Variants in ZNF385D observed in about 807,000 individuals in gnomAD.
ZNF385D encodes zinc finger protein 385D.
In ZNF385D, 15 loss-of-function variants were observed where a neutral mutation model predicts 35.8. The ratio of observed to expected loss-of-function variants is 0.42; its 90% CI spans 0.28 to 0.64. The LOEUF (loss-of-function observed/expected upper bound fraction) is 0.64. ZNF385D is among the 30% of genes least tolerant of loss of function. The pLI, the probability that ZNF385D is intolerant of heterozygous loss-of-function variation, is 0.23. For synonymous variants in ZNF385D, 212 were observed against 186.8 expected (o/e 1.13, Z -1.10); for missense variants, 474 against 494.6 (o/e 0.96, Z 0.39).
intron 2 of ZNF385D, among the ~76,000 whole-genome samples, chr3:22,264,857 C>T (rs1325083136): frequency 1.5e-5 from 2 of 132,656 alleles, no homozygotes; most frequent in African/African-American, 5.2e-5. Flanking sequence ...AAATTCCATT[C>T]TCCCTCTTAG....
At chr3:22,278,735 T>G (rs932200966) in intron 2 of ZNF385D, among the ~76,000 whole-genome samples, 3 of 152,112 alleles carry the variant, frequency 2.0e-5, no homozygotes, top group Non-Finnish European at 2.9e-5. Context: ...CAGAGAAAAT[T>G]GGCAAAATGT....
At chr3:21,456,182 T>G (rs1473362343) in intron 4 of ZNF385D, among the ~76,000 whole-genome samples, 1 of 152,168 alleles carries the variant, frequency 6.6e-6, no homozygotes. Flanking sequence ...GTGTGGTGAT[T>G]CCTCAAGGAT....
At chr3:21,944,728 G>C (rs996432822) in intron 3 of ZNF385D, among the ~76,000 whole-genome samples, 8 of 148,336 alleles carry the variant, frequency 5.4e-5, no homozygotes, top group African/African-American at 2.0e-4. Flanking sequence ...TTAGTGTTAT[G>C]GGATGAGAGA....
chr3:21,656,183 C>T (rs2066066613), intron 2 of ZNF385D, among the ~76,000 whole-genome samples: 1 of 151,956 alleles, frequency 6.6e-6, no homozygotes, highest in Admixed American at 6.6e-5. Flanking sequence ...AGCTGGATTA[C>T]CAGTTGTCAG....
At chr3:21,705,003 T>G (rs377591200) in intron 1 of ZNF385D, among the ~76,000 whole-genome samples, 112 of 152,318 alleles carry the variant, frequency 7.4e-4, no homozygotes, top group African/African-American at 2.5e-3. Context: ...AAGTCATCTG[T>G]AAGGGGCAGT....
intron 1 of ZNF385D, among the ~76,000 whole-genome samples, chr3:21,748,730 T>C (rs1165553836): frequency 6.6e-6 from 1 of 152,180 alleles, no homozygotes; most frequent in Non-Finnish European, 1.5e-5. Flanking sequence ...TTGGAAAAAT[T>C]ACCTGAAATC....
intron 3 of ZNF385D, among the ~76,000 whole-genome samples, chr3:21,538,795 ATGT>A (rs1223955484): frequency 1.3e-5 from 2 of 152,166 alleles, no homozygotes; most frequent in Non-Finnish European, 2.9e-5. Context: ...TAAGTTATTT[ATGT>A]AAACTAAAGA....
At chr3:21,761,070 C>A (rs555246689) in intron 3 of ZNF385D, among the ~76,000 whole-genome samples, 6 of 152,112 alleles carry the variant, frequency 3.9e-5, no homozygotes, top group Admixed American at 2.6e-4. Context: ...TGAGGACACT[C>A]AAGAAGCCCT....
At chr3:21,768,114 C>A (rs1366056376) in intron 3 of ZNF385D, among the ~76,000 whole-genome samples, 6 of 152,058 alleles carry the variant, frequency 3.9e-5, no homozygotes, top group Admixed American at 3.9e-4. Context: ...GATAGAGACA[C>A]AAATGAATGC....
chr3:21,914,448 T>C (rs142300149), intron 3 of ZNF385D, among the ~76,000 whole-genome samples: 291 of 151,192 alleles, frequency 1.9e-3, no homozygotes, highest in Admixed American at 4.0e-3. Context: ...ATATGTGAGA[T>C]TAAACCTTTC....
chr3:21,871,755 C>G (rs765611038), intron 3 of ZNF385D, among the ~76,000 whole-genome samples: 1 of 152,056 alleles, frequency 6.6e-6, no homozygotes, highest in Non-Finnish European at 1.5e-5. Context: ...CCTTTAATCC[C>G]AGCACTTTCG....
rs888650146 is a variant in ZNF385D, at chr3:22,332,309, G to A, written c.106+40141C>T. Among the ~76,000 whole-genome samples the A allele has an allele frequency of 7.2e-5, 11 of 152,120 alleles. No individual in the cohort carries two copies. The South Asian group carries it at 1.2e-3, about 17-fold the overall frequency. On this transcript the variant is annotated intron_variant, in intron 2 of 5. Coordinates refer to the ZNF385D transcript ENST00000494108. ...TGTAAATCTAGTGAGTCAGTTTTCA[G>A]TAACTAACAGGTTTTCACCCAGATG...
Position 22,174,968 on chromosome 3 carries a change from A to G in ZNF385D, c.107-5933T>C, listed in dbSNP as rs140322825. Among the ~76,000 whole-genome samples, 575 of 152,232 alleles carry G rather than the reference A, an allele frequency of 3.8e-3. 6 individuals are homozygous for G. Among genetic ancestry groups the G allele is most frequent in the African/African-American group, 0.013 (544 of 41,582 alleles). ...ACAAAAGTTTTGCTCAAAAAAACTT[A>G]TTCTGAAAAGAAGAATCCACCAATA... is the stretch of plus-strand genomic sequence containing the variant. On this transcript the variant is annotated intron_variant, in intron 2 of 5. Transcript: ENST00000494108.
intron 3 of ZNF385D, among the ~76,000 whole-genome samples, chr3:21,766,472 T>C (rs895228698): frequency 6.6e-6 from 1 of 152,124 alleles, no homozygotes; most frequent in Non-Finnish European, 1.5e-5. Flanking sequence ...AGGATGAGTT[T>C]GTGTTTGAGG....
rs954772893 is a variant in ZNF385D at position 22,231,763 on chromosome 3, T to C, written c.107-62728A>G. Among the ~76,000 whole-genome samples the C allele has an allele frequency of 1.2e-4, 18 of 152,148 alleles. 1 individual carries two copies. Among genetic ancestry groups the C allele is most frequent in the Admixed American group, 1.1e-3 (17 of 15,256 alleles). On this transcript the variant is annotated intron_variant, in intron 2 of 5. Coordinates refer to the ZNF385D transcript ENST00000494108. ...TCTGTGTCCCCACACAGATCTCATG[T>C]TCAGTTGTAATTCCCAATGTTGAAG...
chr3:21,963,612 G>A (rs1702718210), intron 3 of ZNF385D, among the ~76,000 whole-genome samples: 1 of 152,102 alleles, frequency 6.6e-6, no homozygotes, highest in Non-Finnish European at 1.5e-5. Flanking sequence ...TCCTGCCGCT[G>A]GTGGTTGACA....
At chr3:21,815,097 G>A (rs943296277) in intron 3 of ZNF385D, among the ~76,000 whole-genome samples, 3 of 152,252 alleles carry the variant, frequency 2.0e-5, no homozygotes, top group East Asian at 1.9e-4. Context: ...GGTACGTAAC[G>A]AAATGAAGGC....
At chr3:22,102,091 ACAAGTTTCCCTTTGGAACT>A (rs1701970931) in intron 3 of ZNF385D, among the ~76,000 whole-genome samples, 1 of 151,814 alleles carries the variant, frequency 6.6e-6, no homozygotes, top group African/African-American at 2.4e-5. Context: ...ACCAAACATG[ACAAGTTTCCCTTTGGAACT>A]CAAAATGCCC....
intron 3 of ZNF385D, among the ~76,000 whole-genome samples, chr3:22,112,014 T>C (rs1009276885): frequency 6.6e-6 from 1 of 152,124 alleles, no homozygotes; most frequent in Non-Finnish European, 1.5e-5. Flanking sequence ...TAATCAGACA[T>C]TTTACCCTGC....
Sources: gnomAD v4.1 joint callset for allele counts (sites outside exome capture counted in the v4.1 genomes callset) on GRCh38, gnomAD v4.1.1 for gene constraint, MANE v1.5 for transcripts, NCBI Gene and HGNC (gene_info 2026-07-23, HGNC 2026-07-21) for gene names.